LSAMP: variants seen among roughly 807,000 people sequenced by gnomAD.
The protein encoded by LSAMP is limbic system-associated membrane protein.
LSAMP carries 7 observed loss-of-function variants against 38.6 expected under a neutral mutation model. The observed-to-expected ratio is 0.18, with a 90% CI of 0.10 to 0.34. The LOEUF (loss-of-function observed/expected upper bound fraction) is 0.34, where lower values mean the gene tolerates loss of function less well. Ranked by LOEUF, LSAMP falls within the 10% of genes least tolerant of loss-of-function variation. LSAMP has a pLI of 1.00. For missense variants in LSAMP, 313 were observed against 420.0 expected, an observed-to-expected ratio of 0.75 and a Z score of 2.23; for synonymous variants, 154 against 166.8, an observed-to-expected ratio of 0.92 and a Z score of 0.59.
At chr3:116,150,911 C>CT (rs1709595973) in intron 1 of LSAMP, among the ~76,000 whole-genome samples, 3 of 5,304 alleles carry the variant, frequency 5.7e-4, no homozygotes, top group Admixed American at 3.1e-3. Context: ...TCATTTCACT[C>CT]TTAGCATATG....
rs1407439382 is a variant in LSAMP, at chr3:115,809,159, A to G, written c.*1158T>C. The G allele has an allele frequency of 6.6e-6, 1 of 152,218 alleles. No homozygotes were observed. The highest frequency in any genetic ancestry group is 2.4e-5 in the African/African-American group (1 of 41,448). The allele number at this position is 152,218 out of a possible 1,614,324, so 9.4% of individuals were successfully genotyped here. A position where few individuals can be genotyped will look rare whatever the true frequency, so the allele number is the denominator to read the frequency against. ...AAGAATCCCTCAGACTCATGAAATG[A>G]GAGTAAAATCTGAAATTTTCTCTCC... On this transcript the variant is annotated 3_prime_UTR_variant, in exon 7 of 7. Coordinates refer to ENST00000490035, the MANE Select transcript of LSAMP (RefSeq NM_002338.5).
At chr3:116,275,013 T>G (rs1024795096) in intron 1 of LSAMP, among the ~76,000 whole-genome samples, 13 of 151,012 alleles carry the variant, frequency 8.6e-5, no homozygotes, top group Non-Finnish European at 1.8e-4. Flanking sequence ...CTTAAAACTT[T>G]TGTTGTCTTT....
intron 3 of LSAMP, among the ~76,000 whole-genome samples, chr3:116,016,420 T>C (rs1348713110): frequency 6.6e-6 from 1 of 152,162 alleles, no homozygotes; most frequent in African/African-American, 2.4e-5. Flanking sequence ...GAATCTGACC[T>C]ACAAAGTGGG....
At chr3:116,338,000 A>C (rs1261499294) in intron 1 of LSAMP, among the ~76,000 whole-genome samples, 1 of 152,028 alleles carries the variant, frequency 6.6e-6, no homozygotes, top group Non-Finnish European at 1.5e-5. Flanking sequence ...ATAGAAAGGA[A>C]GAGAAAATGT....
chr3:115,920,139 T>C (rs543911132), intron 3 of LSAMP, among the ~76,000 whole-genome samples: 1 of 152,352 alleles, frequency 6.6e-6, no homozygotes, highest in East Asian at 1.9e-4. Flanking sequence ...AATGTTGCAA[T>C]AAACATGGCA....
In LSAMP at chr3:115,807,839, C is replaced by T. The variant is rs1451401346; in HGVS notation, c.*2478G>A. The T allele has an allele frequency of 2.0e-5, 3 of 152,090 alleles. No homozygotes were observed. Among genetic ancestry groups the T allele is most frequent in the African/African-American group, 4.8e-5 (2 of 41,422 alleles). The allele number at this position is 152,090 out of a possible 1,614,324, so 9.4% of individuals were successfully genotyped here. A position where few individuals can be genotyped will look rare whatever the true frequency, so the allele number is the denominator to read the frequency against. On this transcript the variant is annotated 3_prime_UTR_variant, in exon 7 of 7. Coordinates refer to ENST00000490035, the MANE Select transcript of LSAMP (RefSeq NM_002338.5). ...TGATGCTGCATAGGAATATGGCTCA[C>T]CTTCCCTATATTTTACTAGCTACCT...
intron 2 of LSAMP, among the ~76,000 whole-genome samples, chr3:116,066,907 A>G (rs1559729387): frequency 1.3e-5 from 2 of 150,020 alleles, no homozygotes; most frequent in Non-Finnish European, 3.0e-5. Context: ...GCCTGCCCCC[A>G]TTTTTTTTTG....
intron 3 of LSAMP, among the ~76,000 whole-genome samples, chr3:115,969,593 G>A (rs144089456): frequency 6.6e-6 from 1 of 152,268 alleles, no homozygotes; most frequent in Admixed American, 6.5e-5. Flanking sequence ...AATTACAGCT[G>A]CTTCCACCAC....
intron 3 of LSAMP, among the ~76,000 whole-genome samples, chr3:115,975,643 C>G (rs1371046808): frequency 3.3e-5 from 5 of 152,184 alleles, no homozygotes; most frequent in Non-Finnish European, 7.3e-5. Flanking sequence ...TACTTCTGTG[C>G]TCTCCAAGTT....
At chr3:116,298,891 T>G (rs1310947416) in intron 1 of LSAMP, among the ~76,000 whole-genome samples, 1 of 152,052 alleles carries the variant, frequency 6.6e-6, no homozygotes. Context: ...TTTGTAGAGG[T>G]TTTCAAAATT....
chr3:116,299,364 G>A (rs990281592), intron 1 of LSAMP, among the ~76,000 whole-genome samples: 6 of 152,132 alleles, frequency 3.9e-5, no homozygotes, highest in East Asian at 1.9e-4. Flanking sequence ...CAAATATTAC[G>A]AAAACACTGT....
At chr3:115,936,869 A>T (rs1459892191) in intron 3 of LSAMP, among the ~76,000 whole-genome samples, 1 of 152,182 alleles carries the variant, frequency 6.6e-6, no homozygotes, top group African/African-American at 2.4e-5. Context: ...GTTTGGGGAA[A>T]TGCACAGACT....
At chr3:116,366,035 A>AAAAAAAAAAAAAAAG (rs1273569949) in intron 1 of LSAMP, among the ~76,000 whole-genome samples, 3 of 144,718 alleles carry the variant, frequency 2.1e-5, no homozygotes, top group Non-Finnish European at 4.6e-5. Context: ...AAAAAAAAAA[A>AAAAAAAAAAAAAAAG]AAAAGAACTT....
At chr3:116,241,849 G>A (rs1330922521) in intron 1 of LSAMP, among the ~76,000 whole-genome samples, 2 of 152,208 alleles carry the variant, frequency 1.3e-5, no homozygotes, top group Non-Finnish European at 2.9e-5. Flanking sequence ...CACTGTTAGA[G>A]AAAGAACATT....
At chr3:116,025,897 G>A (rs1458769404) in intron 2 of LSAMP, among the ~76,000 whole-genome samples, 2 of 151,984 alleles carry the variant, frequency 1.3e-5, no homozygotes, top group African/African-American at 4.8e-5. Flanking sequence ...ATTATTAAAT[G>A]GGTAATATTC....
intron 1 of LSAMP, among the ~76,000 whole-genome samples, chr3:116,234,470 A>G (rs1389518844): frequency 7.2e-6 from 1 of 138,928 alleles, no homozygotes; most frequent in African/African-American, 2.6e-5. Flanking sequence ...AGATATATTT[A>G]TCATATATCT....
At chr3:115,928,741 T>C (rs901263751) in intron 3 of LSAMP, among the ~76,000 whole-genome samples, 12 of 152,088 alleles carry the variant, frequency 7.9e-5, no homozygotes, top group Admixed American at 2.0e-4. Context: ...ATCAAGAATG[T>C]TGAGGAAACT....
At chr3:116,163,513 G>C (rs1407548487) in intron 1 of LSAMP, among the ~76,000 whole-genome samples, 1 of 151,362 alleles carries the variant, frequency 6.6e-6, no homozygotes, top group Non-Finnish European at 1.5e-5. Flanking sequence ...CTTTGCTATT[G>C]TGAATAGTGC....
chr3:116,029,738 A>C (rs1351383325), intron 2 of LSAMP, among the ~76,000 whole-genome samples: 9 of 152,120 alleles, frequency 5.9e-5, no homozygotes, highest in Admixed American at 5.9e-4. Context: ...GAACTGCACA[A>C]GTAACTAAAA....
Sources: allele counts gnomAD v4.1 joint callset (sites outside exome capture counted in the v4.1 genomes callset), GRCh38; gene constraint gnomAD v4.1.1; transcripts MANE v1.5; gene names NCBI Gene and HGNC (gene_info 2026-07-23, HGNC 2026-07-21).